The following TNKS variants were observed in gnomAD, a reference collection of about 807,000 sequenced individuals.
The protein encoded by TNKS is poly [ADP-ribose] polymerase tankyrase-1.
Under a neutral mutation model 135.8 loss-of-function variants are expected in TNKS, and 72 were observed. That is an observed-to-expected ratio of 0.53 (90% confidence interval 0.44 to 0.64). The LOEUF (loss-of-function observed/expected upper bound fraction) is 0.64. Ranked by LOEUF, TNKS falls within the 30% of genes least tolerant of loss-of-function variation. The pLI is 0.00. For synonymous variants in TNKS, 849 were observed against 649.3 expected (o/e 1.31, Z -4.68); for missense variants, 1,769 against 1,674.0 (o/e 1.06, Z -0.99).
At chr8:9,654,993 C>G (rs1209454949) in intron 3 of TNKS, among the ~76,000 whole-genome samples, 1 of 152,158 alleles carries the variant, frequency 6.6e-6, no homozygotes, top group Non-Finnish European at 1.5e-5. Flanking sequence ...ATTCCCTTTC[C>G]TAGTCAAAGA....
rs574461271 is a variant in TNKS at position 9,611,849 on chromosome 8, T to C, written c.899-3733T>C. Among the ~76,000 whole-genome samples the C allele has an allele frequency of 7.9e-5, 12 of 152,366 alleles. 1 individual carries two copies. The South Asian group carries it at 1.4e-3, about 18-fold the overall frequency. ...GAATGTGTCTGATAACCTTCAGTGC[T>C]CCTGGTCTCAACTTTTAGTTTTGTT... On this transcript the variant is annotated intron_variant, in intron 2 of 26. Coordinates refer to ENST00000310430, the MANE Select transcript of TNKS (RefSeq NM_003747.3).
At chr8:9,672,722 A>AAC (rs1802353663) in intron 3 of TNKS, among the ~76,000 whole-genome samples, 1 of 145,972 alleles carries the variant, frequency 6.9e-6, no homozygotes, top group Non-Finnish European at 1.5e-5. Context: ...AAAAAAAAAA[A>AAC]AACAAACTAA....
At chr8:9,583,786 C>T (rs1336535078) in intron 2 of TNKS, among the ~76,000 whole-genome samples, 2 of 152,100 alleles carry the variant, frequency 1.3e-5, no homozygotes, top group African/African-American at 4.8e-5. Flanking sequence ...CGCACCCAGC[C>T]TGTATGGTTT....
chr8:9,608,908 C>T (rs1030634940), intron 2 of TNKS, among the ~76,000 whole-genome samples: 2 of 152,180 alleles, frequency 1.3e-5, no homozygotes, highest in Non-Finnish European at 2.9e-5. Context: ...TTAGTTGCTT[C>T]ATCTATTTTC....
intron 1 of TNKS, among the ~76,000 whole-genome samples, chr8:9,567,061 G>C (rs1217862450): frequency 6.6e-6 from 1 of 152,168 alleles, no homozygotes; most frequent in Admixed American, 6.5e-5. Flanking sequence ...TCTGTATTTT[G>C]TGTCATTTTG....
chr8:9,765,529 T>C (rs7844606), intron 23 of TNKS, among the ~76,000 whole-genome samples, 163 bp from the exon 24 acceptor site: 1,827 of 152,276 alleles, frequency 0.012, 37 homozygotes, highest in African/African-American at 0.041. Flanking sequence ...CACTAACAGC[T>C]AGAGTATTTT....
rs573851283 is a variant in TNKS, at chr8:9,635,140, A to C, written c.994+19463A>C. Among the ~76,000 whole-genome samples, 4 of 152,030 alleles carry C rather than the reference A, an allele frequency of 2.6e-5. No homozygotes were observed. In the South Asian group the frequency reaches 8.3e-4, roughly 32 times the overall value. ...AGCCGAGACCGCGCCACTGCACTCCAGCCTGGACGACAGAGCGAGACTCCG... is the reference window on the plus strand; with the variant it reads ...AGCCGAGACCGCGCCACTGCACTCCCGCCTGGACGACAGAGCGAGACTCCG... On this transcript the variant is annotated intron_variant, in intron 3 of 26. Transcript: ENST00000310430.
chr8:9,649,630 C>G (rs952113698), intron 3 of TNKS, among the ~76,000 whole-genome samples: 1 of 151,402 alleles, frequency 6.6e-6, no homozygotes, highest in Non-Finnish European at 1.5e-5. Context: ...CCCCCTCTCA[C>G]CCTTCCCCCC....
intron 15 of TNKS, among the ~76,000 whole-genome samples, chr8:9,734,253 C>G (rs537544679): frequency 6.6e-6 from 1 of 152,154 alleles, no homozygotes; most frequent in South Asian, 2.1e-4. Context: ...GAGCCCATGA[C>G]AGTCTGTGGC....
chr8:9,637,731 C>T (rs543398593), intron 3 of TNKS, among the ~76,000 whole-genome samples: 2 of 152,134 alleles, frequency 1.3e-5, no homozygotes, highest in East Asian at 3.9e-4. Context: ...TGCTTATACT[C>T]TTTGTAAAAG....
intron 3 of TNKS, among the ~76,000 whole-genome samples, chr8:9,664,123 G>A (rs1372054498): frequency 6.6e-6 from 1 of 152,114 alleles, no homozygotes; most frequent in African/African-American, 2.4e-5. Context: ...CTCGAGGCTG[G>A]GTAATTTATA....
chr8:9,571,385 G>C (rs1797751180), intron 1 of TNKS, among the ~76,000 whole-genome samples: 1 of 152,122 alleles, frequency 6.6e-6, no homozygotes, highest in Non-Finnish European at 1.5e-5. Context: ...TTGTAGTTTG[G>C]ATATACTGTG....
chr8:9,743,227 C>A (rs1011414527), intron 17 of TNKS, among the ~76,000 whole-genome samples: 13 of 152,174 alleles, frequency 8.5e-5, no homozygotes, highest in African/African-American at 3.1e-4. Context: ...TATAGTGTTA[C>A]CCAGTGATCT....
rs550251625 is a variant in TNKS, at chr8:9,733,288, G to A, written c.2157G>A (p.Val719=). Residue 719 remains valine, a synonymous_variant, in exon 15 of 27, where the codon GTG becomes GTA. Coordinates refer to ENST00000310430, the MANE Select transcript of TNKS (RefSeq NM_003747.3). ...DVHAKDKGGL[V]PLHNACSYGH... ...ACTTTCTTTTGTTTAGTGGCTTGGT[G>A]CCCCTTCATAATGCCTGTTCATATG... 1.3e-6 allele frequency: 2 copies of A among 1,561,458 alleles called. No individual in the cohort carries two copies. The highest frequency in any genetic ancestry group is 2.2e-5 in the Admixed American group (1 of 45,812).
At chr8:9,764,660 T>A in intron 22 of TNKS, 56 bp from the exon 23 acceptor site, 1 of 1,357,076 alleles carries the variant, frequency 7.4e-7, no homozygotes, top group Non-Finnish European at 1.0e-6. Context: ...AGACTCATCA[T>A]TGTCTAGAAT....
chr8:9,590,716 C>T (rs1261503516), intron 2 of TNKS, among the ~76,000 whole-genome samples: 1 of 152,128 alleles, frequency 6.6e-6, no homozygotes, highest in African/African-American at 2.4e-5. Context: ...TGTATGTATT[C>T]TTTGGGGAAA....
intron 20 of TNKS, among the ~76,000 whole-genome samples, chr8:9,753,256 C>T (rs977485372): frequency 2.0e-5 from 3 of 152,134 alleles, no homozygotes; most frequent in Middle Eastern, 3.2e-3. Context: ...AGTCTTTATT[C>T]ATCTCATTTC....
At chr8:9,632,854 C>G (rs1300745430) in intron 3 of TNKS, among the ~76,000 whole-genome samples, 1 of 152,096 alleles carries the variant, frequency 6.6e-6, no homozygotes, top group African/African-American at 2.4e-5. Flanking sequence ...CTCAGCCTCC[C>G]GAGTAGCTGG....
chr8:9,701,265 A>G (rs1002297801), intron 5 of TNKS, among the ~76,000 whole-genome samples: 2 of 152,206 alleles, frequency 1.3e-5, no homozygotes, highest in Non-Finnish European at 2.9e-5. Context: ...GTAGGTTTTC[A>G]TATGCATTCA....
Sources: allele counts gnomAD v4.1 joint callset (sites outside exome capture counted in the v4.1 genomes callset), GRCh38; gene constraint gnomAD v4.1.1; transcripts MANE v1.5; gene names NCBI Gene and HGNC (gene_info 2026-07-23, HGNC 2026-07-21).